CNOT6: variants seen among roughly 807,000 people sequenced by gnomAD.
The protein encoded by CNOT6 is carbon catabolite repression 4 protein.
In CNOT6, 12 loss-of-function variants were observed where a neutral mutation model predicts 61.2. The observed-to-expected ratio is 0.20, with a 90% CI of 0.13 to 0.32. CNOT6 has a LOEUF of 0.32. CNOT6 is among the 10% of genes least tolerant of loss of function. The probability of loss-of-function intolerance (pLI) is 1.00; values close to 1 mark genes in which losing one functional copy is unlikely to be tolerated. For missense variants in CNOT6, 405 were observed against 663.9 expected (o/e 0.61, Z 4.28); for synonymous variants, 225 against 240.6 (o/e 0.94, Z 0.60).
chr5:180,574,079 A>C lies in CNOT6; in HGVS notation c.1553A>C (p.Asn518Thr). Residue 518 changes from asparagine to threonine, a missense_variant, in exon 12 of 12, where the codon AAC (asparagine) becomes ACC (threonine). Physicochemically the swap from Asn to Thr is moderately conservative, Grantham distance 65 (BLOSUM62 0). Transcript: ENST00000261951. ...GACCACCACTGGCTGGTTGAGAATA[A>C]CATCAGTGGCTGCCCGCACCCCCTC... The part of the protein sequence containing the change: ...PLDHHWLVEN[N>T]ISGCPHPLIP... The C allele has an allele frequency of 6.2e-7, 1 of 1,614,032 alleles. No homozygotes were observed. Among genetic ancestry groups the C allele is most frequent in the Non-Finnish European group, 8.5e-7 (1 of 1,179,914 alleles).
chr5:180,499,686 T>C (rs924544020), intron 1 of CNOT6, among the ~76,000 whole-genome samples: 3 of 152,204 alleles, frequency 2.0e-5, no homozygotes, highest in Non-Finnish European at 2.9e-5. Flanking sequence ...GTAAAAATGA[T>C]AGAACAGTTT....
chr5:180,524,238 AG>A (rs1185398939), intron 1 of CNOT6, among the ~76,000 whole-genome samples: 1 of 152,210 alleles, frequency 6.6e-6, no homozygotes, highest in African/African-American at 2.4e-5. Flanking sequence ...TATTTTAGGT[AG>A]TAATCTTCAG....
intron 6 of CNOT6, among the ~76,000 whole-genome samples, 174 bp from the exon 7 acceptor site, chr5:180,565,646 C>T (rs116522659): frequency 6.6e-6 from 1 of 152,308 alleles, no homozygotes; most frequent in African/African-American, 2.4e-5. Context: ...ATCTATCCTG[C>T]TTGCATTATC....
intron 1 of CNOT6, among the ~76,000 whole-genome samples, chr5:180,527,661 G>A (rs1378394030): frequency 6.6e-6 from 1 of 152,106 alleles, no homozygotes; most frequent in Non-Finnish European, 1.5e-5. Context: ...GGTGGTTTAT[G>A]TGTACTTCTC....
In CNOT6 at chr5:180,574,218, A is replaced by G; in HGVS notation, c.*18A>G. 6 of 1,597,018 alleles carry G rather than the reference A, an allele frequency of 3.8e-6. No homozygotes were observed. The highest frequency in any genetic ancestry group is 3.3e-5 in the South Asian group (3 of 90,702). On this transcript the variant is annotated 3_prime_UTR_variant, in exon 12 of 12. Coordinates refer to ENST00000261951, the MANE Select transcript of CNOT6 (RefSeq NM_001370472.1). ...GGAGGTAGTCAAGCACCTTCAGAGGACAGCCTTGATTCACTTGTAAACTTG... is the reference window on the plus strand; with the variant it reads ...GGAGGTAGTCAAGCACCTTCAGAGGGCAGCCTTGATTCACTTGTAAACTTG...
chr5:180,499,625 G>C (rs1756773593), intron 1 of CNOT6, among the ~76,000 whole-genome samples: 1 of 152,116 alleles, frequency 6.6e-6, no homozygotes, highest in Admixed American at 6.6e-5. Flanking sequence ...AATGGGGTTG[G>C]GGTACAGCAC....
intron 4 of CNOT6, among the ~76,000 whole-genome samples, chr5:180,558,139 A>G (rs1759991276): frequency 6.6e-6 from 1 of 152,180 alleles, no homozygotes; most frequent in South Asian, 2.1e-4. Context: ...TGAGCCTCAG[A>G]AGGGTACAGC....
At chr5:180,528,322 A>T (rs971884709) in intron 1 of CNOT6, among the ~76,000 whole-genome samples, 3 of 151,968 alleles carry the variant, frequency 2.0e-5, no homozygotes, top group Non-Finnish European at 2.9e-5. Context: ...TTATTTATTT[A>T]TTTTTTGAGA....
At chr5:180,505,218 C>G (rs1757070916) in intron 1 of CNOT6, among the ~76,000 whole-genome samples, 1 of 149,492 alleles carries the variant, frequency 6.7e-6, no homozygotes. Flanking sequence ...CCTCTGCCTC[C>G]TAAAGTACTG....
At chr5:180,567,325 T>A (rs887517977) in intron 8 of CNOT6, 83 bp downstream of exon 8, 3 of 1,172,784 alleles carry the variant, frequency 2.6e-6, no homozygotes, top group Non-Finnish European at 2.4e-6. Context: ...AATTGGCAAA[T>A]GAGAGAATGA....
At chr5:180,556,428 A>G (rs1384633046) in intron 4 of CNOT6, among the ~76,000 whole-genome samples, 1 of 152,256 alleles carries the variant, frequency 6.6e-6, no homozygotes, top group Non-Finnish European at 1.5e-5. Context: ...TGTTTTCACC[A>G]CAAATAAGTA....
intron 2 of CNOT6, among the ~76,000 whole-genome samples, chr5:180,539,409 T>A (rs952584714): frequency 2.0e-5 from 3 of 151,880 alleles, no homozygotes; most frequent in Non-Finnish European, 4.4e-5. Flanking sequence ...TTTGTTCTTT[T>A]CTTGCTTCTA....
intron 11 of CNOT6, among the ~76,000 whole-genome samples, chr5:180,572,838 G>T (rs1760820182): frequency 6.6e-6 from 1 of 152,170 alleles, no homozygotes. Context: ...TTATAGACGG[G>T]AGCTACCACA....
chr5:180,546,635 A>C (rs1477174551), intron 2 of CNOT6, among the ~76,000 whole-genome samples: 1 of 152,234 alleles, frequency 6.6e-6, no homozygotes, highest in Non-Finnish European at 1.5e-5. Flanking sequence ...ATTACATTTT[A>C]AATAGTTGTA....
chr5:180,521,115 A>G (rs1171318385), intron 1 of CNOT6, among the ~76,000 whole-genome samples: 1 of 152,154 alleles, frequency 6.6e-6, no homozygotes, highest in Admixed American at 6.5e-5. Flanking sequence ...CTAGGATTAC[A>G]GGTGTGAGAC....
chr5:180,532,457 A>G (rs1377215131), intron 2 of CNOT6, among the ~76,000 whole-genome samples: 1 of 152,104 alleles, frequency 6.6e-6, no homozygotes, highest in Non-Finnish European at 1.5e-5. Context: ...CTTACCCTGA[A>G]CTTTGGGAAG....
chr5:180,571,582 T>G, intron 11 of CNOT6, 150 bp downstream of exon 11: 1 of 656,582 alleles, frequency 1.5e-6, no homozygotes, highest in Non-Finnish European at 2.6e-6. Context: ...TGTTTTTTGT[T>G]TGAGACAAGG....
At position 180,526,982 on chromosome 5, in the gene CNOT6, C is replaced by T. The variant is rs113759387; in HGVS notation, c.-2-2293C>T. 1.4e-3 allele frequency among the ~76,000 whole-genome samples: 216 copies of T among 151,538 alleles called. 1 individual carries two copies. The highest frequency in any genetic ancestry group is 9.2e-3 in the South Asian group (44 of 4,802). On this transcript the variant is annotated intron_variant, in intron 1 of 11. Coordinates refer to ENST00000261951, the MANE Select transcript of CNOT6 (RefSeq NM_001370472.1). ...GCAGCCTCAACCTCCTGGGTTCAAGCGATCCTCCCACCTCAGCCTCCTGAG... is the reference window on the plus strand; with the variant it reads ...GCAGCCTCAACCTCCTGGGTTCAAGTGATCCTCCCACCTCAGCCTCCTGAG...
chr5:180,521,991 A>G (rs754945480), intron 1 of CNOT6, among the ~76,000 whole-genome samples: 1 of 152,236 alleles, frequency 6.6e-6, no homozygotes, highest in Non-Finnish European at 1.5e-5. Flanking sequence ...ATAGTGCTGC[A>G]GTGAATATAC....
Sources: gnomAD v4.1 joint callset for allele counts (sites outside exome capture counted in the v4.1 genomes callset) on GRCh38, gnomAD v4.1.1 for gene constraint, MANE v1.5 for transcripts, NCBI Gene and HGNC (gene_info 2026-07-23, HGNC 2026-07-21) for gene names.